The following TAMM41 variants were observed in gnomAD, a reference collection of about 807,000 sequenced individuals.
TAMM41 encodes the protein TAM41 mitochondrial translocator assembly and maintenance homolog, also known as phosphatidate cytidylyltransferase, mitochondrial.
A neutral mutation model predicts 44.1 loss-of-function variants in TAMM41; 36 were observed. That is an observed-to-expected ratio of 0.82 (90% CI 0.63 to 1.08). The LOEUF is 1.08. Among genes scored for constraint, TAMM41 ranks in the 50% least tolerant of loss-of-function variants. The pLI, the probability that TAMM41 is intolerant of heterozygous loss-of-function variation, is 0.00. For synonymous variants in TAMM41, 164 were observed against 153.1 expected (o/e 1.07, Z -0.53); for missense variants, 417 against 404.3 (o/e 1.03, Z -0.27).
the TAMM41 span, among the ~76,000 whole-genome samples, chr3:11,768,287 C>G: frequency 2.0e-5 from 3 of 151,986 alleles, no homozygotes; most frequent in South Asian, 4.2e-4. Flanking sequence ...CATGCATGTG[C>G]CAGCATACTA....
intron 5 of TAMM41, among the ~76,000 whole-genome samples, chr3:11,811,845 T>C (rs2078095926): frequency 6.6e-6 from 1 of 152,208 alleles, no homozygotes. Context: ...AATTACATTG[T>C]GGTGATGGCT....
At chr3:11,773,349 C>T in the TAMM41 span, among the ~76,000 whole-genome samples, 1 of 151,148 alleles carries the variant, frequency 6.6e-6, no homozygotes, top group Non-Finnish European at 1.5e-5. Flanking sequence ...ATGACTAGCA[C>T]TTTGTGAACT....
chr3:11,784,791 CTTTTCTT>C, the TAMM41 span, among the ~76,000 whole-genome samples: 610 of 134,166 alleles, frequency 4.5e-3, 1 homozygote, highest in African/African-American at 0.016. Context: ...CACTTCTTTT[CTTTTCTT>C]TTTTTTTTTT....
the TAMM41 span, among the ~76,000 whole-genome samples, chr3:11,735,367 T>A: frequency 6.6e-6 from 1 of 150,670 alleles, no homozygotes; most frequent in Non-Finnish European, 1.5e-5. Context: ...CTGAAAAAAA[T>A]TTTAAAATTC....
the TAMM41 span, among the ~76,000 whole-genome samples, chr3:11,760,614 GCAGTGGTGCAATCTTGGCT>G: frequency 2.6e-5 from 4 of 151,964 alleles, no homozygotes. Context: ...AGGCTGGAGT[GCAGTGGTGCAATCTTGGCT>G]CACTGCAACC....
chr3:11,831,498 T>C (rs2078980435), intron 3 of TAMM41, among the ~76,000 whole-genome samples: 1 of 152,206 alleles, frequency 6.6e-6, no homozygotes, highest in Non-Finnish European at 1.5e-5. Flanking sequence ...GTCTAAAATA[T>C]ATCTACCATC....
chr3:11,744,136 C>T, the TAMM41 span, among the ~76,000 whole-genome samples: 1 of 151,504 alleles, frequency 6.6e-6, no homozygotes. Flanking sequence ...GGTGTGATCT[C>T]GGCTCACTGC....
the TAMM41 span, among the ~76,000 whole-genome samples, chr3:11,754,113 G>A: frequency 3.3e-5 from 5 of 151,972 alleles, no homozygotes; most frequent in South Asian, 2.1e-4. Context: ...CGTGGTAACC[G>A]AGACCCCCTG....
chr3:11,841,077 T>C (rs910810526), intron 2 of TAMM41, among the ~76,000 whole-genome samples: 2 of 29,316 alleles, frequency 6.8e-5, no homozygotes, highest in Admixed American at 3.3e-4. Flanking sequence ...ATTTCTATTT[T>C]TTTTTTTTTT....
chr3:11,767,869 C>T, the TAMM41 span, among the ~76,000 whole-genome samples: 3 of 151,074 alleles, frequency 2.0e-5, no homozygotes, highest in South Asian at 2.1e-4. Context: ...GTGATCCGCC[C>T]GCCTCGGCCT....
intron 5 of TAMM41, among the ~76,000 whole-genome samples, chr3:11,815,175 C>T (rs1002148796): frequency 1.3e-5 from 2 of 152,018 alleles, no homozygotes; most frequent in African/African-American, 2.4e-5. Context: ...TAATAAAAGA[C>T]AAACTTCACT....
the TAMM41 span, among the ~76,000 whole-genome samples, chr3:11,725,450 TCC>T: frequency 6.5e-4 from 95 of 147,020 alleles, 1 homozygote; most frequent in Admixed American, 5.8e-3. Context: ...CTCCTCCTCC[TCC>T]TCCTTCTTCT....
At chr3:11,845,408 C>T (rs1006289255) in intron 1 of TAMM41, among the ~76,000 whole-genome samples, 1 of 152,022 alleles carries the variant, frequency 6.6e-6, no homozygotes, top group Non-Finnish European at 1.5e-5. Context: ...CAGGTCTATT[C>T]AAAGGAAAAC....
chr3:11,778,848 TA>T, the TAMM41 span, among the ~76,000 whole-genome samples: 2 of 152,226 alleles, frequency 1.3e-5, no homozygotes, highest in Non-Finnish European at 2.9e-5. Context: ...GTTGTCTTTA[TA>T]TCCTAGTTAT....
At chr3:11,840,344 C>T (rs942282515) in intron 2 of TAMM41, among the ~76,000 whole-genome samples, 2 of 151,962 alleles carry the variant, frequency 1.3e-5, no homozygotes, top group East Asian at 1.9e-4. Context: ...GCCATTCTTG[C>T]ACCTCAGCCT....
intron 7 of TAMM41, among the ~76,000 whole-genome samples, chr3:11,796,679 G>T (rs1207560293): frequency 6.6e-6 from 1 of 152,172 alleles, no homozygotes; most frequent in African/African-American, 2.4e-5. Context: ...CAGAACTTGA[G>T]AAATTTTGGG....
chr3:11,845,207 G>C (rs753623903), intron 1 of TAMM41: 17 of 345,378 alleles, frequency 4.9e-5, no homozygotes, highest in East Asian at 3.2e-4. Flanking sequence ...AGGGACTAAG[G>C]GGGTGGGGGA....
chr3:11,822,867 T>C (rs140342159), intron 4 of TAMM41, among the ~76,000 whole-genome samples: 2 of 152,360 alleles, frequency 1.3e-5, no homozygotes, highest in East Asian at 3.9e-4. Flanking sequence ...TGTGTGGACA[T>C]ATGTTTCATT....
the TAMM41 span, among the ~76,000 whole-genome samples, chr3:11,780,726 G>A: frequency 2.6e-5 from 4 of 152,146 alleles, no homozygotes; most frequent in South Asian, 8.3e-4. Flanking sequence ...TTACCCTATA[G>A]TTACCCCTGT....
Sources: allele counts gnomAD v4.1 joint callset (sites outside exome capture counted in the v4.1 genomes callset), GRCh38; gene constraint gnomAD v4.1.1; transcripts MANE v1.5; gene names NCBI Gene and HGNC (gene_info 2026-07-23, HGNC 2026-07-21).